The following FMN2 variants were observed in gnomAD, a reference collection of about 807,000 sequenced individuals.
FMN2 encodes formin-2.
A neutral mutation model predicts 142.3 loss-of-function variants in FMN2; 51 were observed. That is an observed-to-expected ratio of 0.36 (90% CI 0.29 to 0.45). The LOEUF (loss-of-function observed/expected upper bound fraction) is 0.45, where lower values mean the gene tolerates loss of function less well. FMN2 is among the 20% of genes least tolerant of loss of function. The probability of loss-of-function intolerance (pLI) is 1.00; values close to 1 mark genes in which losing one functional copy is unlikely to be tolerated. For synonymous variants in FMN2, 882 were observed against 869.8 expected, an observed-to-expected ratio of 1.01 and a Z score of -0.25; for missense variants, 1,936 against 2,122.8, an observed-to-expected ratio of 0.91 and a Z score of 1.73.
At chr1:240,120,169 A>G (rs2103211762) in intron 1 of FMN2, among the ~76,000 whole-genome samples, 1 of 152,342 alleles carries the variant, frequency 6.6e-6, no homozygotes, top group South Asian at 2.1e-4. Context: ...TTTGTTTTAT[A>G]GACAGAAATA....
chr1:240,447,885 A>T, intron 16 of FMN2, among the ~76,000 whole-genome samples: 1 of 152,250 alleles, frequency 6.6e-6, no homozygotes, highest in East Asian at 1.9e-4. Context: ...TAGCTCAGTC[A>T]GGCTGTTCTG....
chr1:240,255,643 A>G (rs1668430219), intron 6 of FMN2, among the ~76,000 whole-genome samples: 1 of 152,176 alleles, frequency 6.6e-6, no homozygotes, highest in South Asian at 2.1e-4. Flanking sequence ...TAGATTCCTA[A>G]CATTGGTAGG....
rs887097725 is a variant in FMN2, at chr1:240,436,927, A to G, written c.4911-1134A>G. Among the ~76,000 whole-genome samples the G allele has an allele frequency of 3.3e-5, 5 of 152,182 alleles. No individual in the cohort carries two copies. In the East Asian group the frequency reaches 9.6e-4, roughly 29 times the overall value. On this transcript the variant is annotated intron_variant, in intron 15 of 17. Transcript: ENST00000319653. ...ATAGTGCTGGCCCCAGGCCAGAGAA[A>G]GAAAGAAAAGACAAGCTTATTTGCA...
chr1:240,164,699 GTTTA>G (rs1281331710), intron 2 of FMN2, among the ~76,000 whole-genome samples: 3 of 152,194 alleles, frequency 2.0e-5, no homozygotes, highest in African/African-American at 7.2e-5. Context: ...AAAATAATCT[GTTTA>G]TTCATTCATT....
intron 2 of FMN2, among the ~76,000 whole-genome samples, chr1:240,134,003 T>C (rs1381607691): frequency 1.3e-5 from 2 of 152,188 alleles, no homozygotes; most frequent in Non-Finnish European, 2.9e-5. Flanking sequence ...GGTGAAAACA[T>C]TTACCCAAGG....
intron 16 of FMN2, among the ~76,000 whole-genome samples, chr1:240,461,278 A>G (rs1442889245): frequency 6.6e-6 from 1 of 152,148 alleles, no homozygotes; most frequent in Non-Finnish European, 1.5e-5. Flanking sequence ...GGCCATTTTA[A>G]GTGTCAGTTT....
chr1:240,311,766 G>A lies in FMN2; in HGVS notation c.4215+16883G>A, dbSNP rs184063608. On this transcript the variant is annotated intron_variant, in intron 8 of 17. Transcript: ENST00000319653. Reference sequence around the variant, plus strand: ...TGAAAATTAAAAGATTAACACAGCTGCATTGGAAATATGTGGAAATAAATG... The same window carrying A: ...TGAAAATTAAAAGATTAACACAGCTACATTGGAAATATGTGGAAATAAATG... Among the ~76,000 whole-genome samples, 470 of 152,266 alleles carry A rather than the reference G, an allele frequency of 3.1e-3. 4 individuals are homozygous for A. Among genetic ancestry groups the A allele is most frequent in the African/African-American group, 0.011 (451 of 41,534 alleles).
intron 2 of FMN2, among the ~76,000 whole-genome samples, chr1:240,136,888 T>A (rs976691406): frequency 2.0e-5 from 3 of 151,936 alleles, no homozygotes; most frequent in Non-Finnish European, 4.4e-5. Flanking sequence ...CTGACCCACA[T>A]GGTGAAACCC....
chr1:240,225,881 G>C (rs983612615), intron 6 of FMN2, among the ~76,000 whole-genome samples: 2 of 152,104 alleles, frequency 1.3e-5, no homozygotes, highest in Admixed American at 1.3e-4. Flanking sequence ...AATAATTCTA[G>C]AGTTAAAAGT....
At chr1:240,276,759 T>C (rs1669226859) in intron 7 of FMN2, among the ~76,000 whole-genome samples, 1 of 152,106 alleles carries the variant, frequency 6.6e-6, no homozygotes, top group Non-Finnish European at 1.5e-5. Context: ...ATATACTGCT[T>C]GAATCTACTA....
chr1:240,124,078 G>A (rs1418981469), intron 2 of FMN2, among the ~76,000 whole-genome samples: 1 of 152,176 alleles, frequency 6.6e-6, no homozygotes, highest in African/African-American at 2.4e-5. Context: ...ATCCATCAAT[G>A]GACATGTGGG....
At chr1:240,184,048 G>T (rs28412346) in intron 3 of FMN2, among the ~76,000 whole-genome samples, 1 of 151,542 alleles carries the variant, frequency 6.6e-6, no homozygotes, top group Non-Finnish European at 1.5e-5. Flanking sequence ...GGCATATCCC[G>T]CTCATTGTCT....
Position 240,329,171 on chromosome 1 carries a change from A to G in FMN2, c.4307+4A>G. 6.2e-7 allele frequency: 1 copy of G among 1,614,068 alleles called. No individual in the cohort carries two copies. The highest frequency in any genetic ancestry group is 8.5e-7 in the Non-Finnish European group (1 of 1,179,980). On this transcript the variant is annotated splice_donor_region_variant and intron_variant, in intron 9 of 17. Transcript: ENST00000319653. ...AGTCTCTGGACAAACCTGAACAGTA[A>G]GCATGTCTTATAACCACGTAGAGGG... is the stretch of plus-strand genomic sequence containing the variant.
chr1:240,386,028 A>G (rs1418321059), intron 14 of FMN2, among the ~76,000 whole-genome samples: 1 of 152,156 alleles, frequency 6.6e-6, no homozygotes, highest in African/African-American at 2.4e-5. Flanking sequence ...ACATTGTTTT[A>G]TTGTCCTAAG....
chr1:240,204,875 C>T (rs1666271618), intron 4 of FMN2, among the ~76,000 whole-genome samples: 1 of 152,136 alleles, frequency 6.6e-6, no homozygotes, highest in Admixed American at 6.5e-5. Flanking sequence ...TCTGTCTTGT[C>T]CATCTGCATT....
chr1:240,143,970 CA>C, intron 2 of FMN2: 2 of 1,412,182 alleles, frequency 1.4e-6, no homozygotes, highest in Non-Finnish European at 2.0e-6. Flanking sequence ...TTGTGGAGAA[CA>C]TAGTCTGAAA....
rs1665297509 is a variant in FMN2 at position 240,184,395 on chromosome 1, C to G, written c.1931-3812C>G. On this transcript the variant is annotated intron_variant, in intron 3 of 17. Coordinates refer to ENST00000319653, the MANE Select transcript of FMN2 (RefSeq NM_020066.5). ...GGGACTGCAGGTGCCCACCACCAGGCCGGCTCATTTTTGTATTTTTAGTAG... is the reference window on the plus strand; with the variant it reads ...GGGACTGCAGGTGCCCACCACCAGGGCGGCTCATTTTTGTATTTTTAGTAG... Among the ~76,000 whole-genome samples the G allele has an allele frequency of 1.3e-5, 2 of 151,642 alleles. 1 individual carries two copies. Among genetic ancestry groups the G allele is most frequent in the Admixed American group, 1.3e-4 (2 of 15,210 alleles).
rs977120019 is a variant in FMN2, at chr1:240,092,748, C to T, written c.639C>T (p.Leu213=). 1.2e-6 allele frequency: 2 copies of T among 1,611,124 alleles called. No homozygotes were observed. The highest frequency in any genetic ancestry group is 1.7e-6 in the Non-Finnish European group (2 of 1,179,098). Residue 213 remains leucine (L), a synonymous_variant, in exon 1 of 18, where the codon CTC becomes CTT. Transcript: ENST00000319653. ...IRLQQQQQQQ[L]QLQLQQQQQQ... ...TGCAGCAGCAGCAGCAGCAGCAGCTCCAGCTCCAGCTCCAGCAACAGCAGC... is the reference window on the plus strand; with the variant it reads ...TGCAGCAGCAGCAGCAGCAGCAGCTTCAGCTCCAGCTCCAGCAACAGCAGC...
At chr1:240,109,056 A>G (rs539984973) in intron 1 of FMN2, among the ~76,000 whole-genome samples, 1 of 152,134 alleles carries the variant, frequency 6.6e-6, no homozygotes, top group Non-Finnish European at 1.5e-5. Flanking sequence ...CAAAAAACCC[A>G]AAAAACCCAC....
Sources: gnomAD v4.1 joint callset for allele counts (sites outside exome capture counted in the v4.1 genomes callset) on GRCh38, gnomAD v4.1.1 for gene constraint, MANE v1.5 for transcripts, NCBI Gene and HGNC (gene_info 2026-07-23, HGNC 2026-07-21) for gene names.